The following RCL1 variants were observed in gnomAD, a reference collection of about 807,000 sequenced individuals.
The protein encoded by RCL1 is RNA 3'-terminal phosphate cyclase-like protein.
RCL1 carries 24 observed loss-of-function variants against 42.4 expected under a neutral mutation model. That is an observed-to-expected ratio of 0.57 (90% CI 0.41 to 0.80). The LOEUF (loss-of-function observed/expected upper bound fraction) is 0.80, where lower values mean the gene tolerates loss of function less well. RCL1 is among the 30% of genes least tolerant of loss of function. RCL1 has a pLI of 0.00. For missense variants in RCL1, 578 were observed against 467.9 expected (o/e 1.24, Z -2.17); for synonymous variants, 228 against 177.3 (o/e 1.29, Z -2.27).
intron 1 of RCL1, among the ~76,000 whole-genome samples, chr9:4,817,864 T>G (rs1240597150): frequency 6.6e-6 from 1 of 151,950 alleles, no homozygotes; most frequent in African/African-American, 2.4e-5. Context: ...GCTTGTAATT[T>G]TGTTTCATTT....
chr9:4,810,225 G>A (rs186011362), intron 1 of RCL1, among the ~76,000 whole-genome samples: 7 of 152,138 alleles, frequency 4.6e-5, no homozygotes, highest in East Asian at 1.9e-4. Context: ...AGAAAAGTGC[G>A]TAACCAATAA....
At chr9:4,829,807 A>G (rs975437349) in intron 3 of RCL1, among the ~76,000 whole-genome samples, 2 of 152,204 alleles carry the variant, frequency 1.3e-5, no homozygotes, top group Non-Finnish European at 1.5e-5. Context: ...CAGTGTGACA[A>G]TACTGAATGG....
chr9:4,822,156 A>T (rs1253546658), intron 1 of RCL1, among the ~76,000 whole-genome samples: 2 of 152,220 alleles, frequency 1.3e-5, no homozygotes, highest in Non-Finnish European at 2.9e-5. Context: ...TTATGACAAG[A>T]GTTATGGGAC....
intron 2 of RCL1, among the ~76,000 whole-genome samples, chr9:4,824,582 G>T (rs1816696081): frequency 6.6e-6 from 1 of 152,080 alleles, no homozygotes; most frequent in African/African-American, 2.4e-5. Flanking sequence ...TGTCTACATT[G>T]TATGGAAAAC....
At chr9:4,805,091 C>G (rs1431049086) in intron 1 of RCL1, 1 of 152,450 alleles carries the variant, frequency 6.6e-6, no homozygotes, top group Non-Finnish European at 1.5e-5. Context: ...CCCTCAGGAG[C>G]CCGAAGCAGC....
chr9:4,821,279 G>A (rs1027749842), intron 1 of RCL1, among the ~76,000 whole-genome samples: 1 of 152,098 alleles, frequency 6.6e-6, no homozygotes, highest in African/African-American at 2.4e-5. Flanking sequence ...GAGAGAGCAT[G>A]GACTTTGGAG....
intron 3 of RCL1, among the ~76,000 whole-genome samples, chr9:4,827,619 G>A (rs1816803613): frequency 6.6e-6 from 1 of 152,098 alleles, no homozygotes; most frequent in African/African-American, 2.4e-5. Flanking sequence ...TCATGCCAGA[G>A]CAAGCTTTTT....
At chr9:4,807,914 T>G (rs10117172) in intron 1 of RCL1, among the ~76,000 whole-genome samples, 208 of 152,366 alleles carry the variant, frequency 1.4e-3, no homozygotes, top group African/African-American at 4.6e-3. Flanking sequence ...TCAGAAAACA[T>G]TCTCTGTATG....
intron 8 of RCL1, among the ~76,000 whole-genome samples, chr9:4,851,342 G>T (rs1364240501): frequency 6.6e-6 from 1 of 152,184 alleles, no homozygotes; most frequent in Non-Finnish European, 1.5e-5. Context: ...TGTGCAGACG[G>T]GTCTGCCAGG....
At chr9:4,831,363 A>G (rs186773698) in intron 3 of RCL1, among the ~76,000 whole-genome samples, 118 of 152,292 alleles carry the variant, frequency 7.7e-4, no homozygotes, top group Non-Finnish European at 1.5e-3. Context: ...GCAGCATTGC[A>G]TCCCCTACTT....
intron 1 of RCL1, among the ~76,000 whole-genome samples, chr9:4,794,546 C>T (rs1355556092): frequency 6.6e-6 from 1 of 152,156 alleles, no homozygotes; most frequent in Admixed American, 6.5e-5. Flanking sequence ...AGCCAGCTCT[C>T]CATCCACTTT....
chr9:4,814,068 G>A (rs1036183862), intron 1 of RCL1, among the ~76,000 whole-genome samples: 7 of 151,990 alleles, frequency 4.6e-5, no homozygotes, highest in African/African-American at 1.4e-4. Flanking sequence ...GTTAATGGGT[G>A]CAGCACACCA....
At chr9:4,823,682 T>G in intron 2 of RCL1, 63 bp downstream of exon 2, 2 of 1,153,806 alleles carry the variant, frequency 1.7e-6, no homozygotes, top group East Asian at 2.5e-5. Flanking sequence ...TTTCTCACTC[T>G]TTTTTTTCTT....
intron 5 of RCL1, among the ~76,000 whole-genome samples, 197 bp downstream of exon 5, chr9:4,834,462 T>C (rs1001255248): frequency 6.9e-6 from 1 of 145,004 alleles, no homozygotes; most frequent in African/African-American, 2.5e-5. Flanking sequence ...CTAGATTGAT[T>C]GAGTCATTCT....
chr9:4,823,531 A>AT lies in RCL1; in HGVS notation c.137-9dup, dbSNP rs758557794. ...AGTCTGTCTTCTCTTTTCTTCACAG[A>AT]TTTTTTTTCTTCACAGATTTTGAAG... On this transcript the variant is annotated splice_polypyrimidine_tract_variant and intron_variant, in intron 1 of 8. Transcript: ENST00000381750. 19 of 1,597,414 alleles carry AT rather than the reference A, an allele frequency of 1.2e-5. No homozygotes were observed. Among genetic ancestry groups the AT allele is most frequent in the Non-Finnish European group, 1.4e-5 (16 of 1,168,854 alleles).
intron 3 of RCL1, among the ~76,000 whole-genome samples, chr9:4,832,216 G>C (rs1030363370): frequency 6.6e-6 from 1 of 152,198 alleles, no homozygotes; most frequent in Non-Finnish European, 1.5e-5. Flanking sequence ...ACAGTTACAC[G>C]TGGCAAAGTC....
chr9:4,809,305 CT>C lies in RCL1; in HGVS notation c.137-14233del, dbSNP rs1054704795. Among the ~76,000 whole-genome samples the C allele has an allele frequency of 4.0e-5, 6 of 148,890 alleles. No homozygotes were observed. In the East Asian group the frequency reaches 5.9e-4, roughly 15 times the overall value. On this transcript the variant is annotated intron_variant, in intron 1 of 8. Transcript: ENST00000381750. ...TGTGAAATTGCTTGGCTAGAGACTCCTTTTTTTTTTCTTGCTTTTTTTTTAA... is the reference window on the plus strand; with the variant it reads ...TGTGAAATTGCTTGGCTAGAGACTCCTTTTTTTTTCTTGCTTTTTTTTTAA...
chr9:4,852,653 A>T (rs543547444), intron 8 of RCL1, among the ~76,000 whole-genome samples: 1 of 152,300 alleles, frequency 6.6e-6, no homozygotes, highest in South Asian at 2.1e-4. Flanking sequence ...AGCTTAGATT[A>T]AGTCAGATGC....
intron 1 of RCL1, among the ~76,000 whole-genome samples, chr9:4,798,129 C>G (rs1842942969): frequency 6.6e-6 from 1 of 152,178 alleles, no homozygotes; most frequent in South Asian, 2.1e-4. Flanking sequence ...GTGGCCAGCT[C>G]CTGCCTGAAG....
Sources: gnomAD v4.1 joint callset for allele counts (sites outside exome capture counted in the v4.1 genomes callset) on GRCh38, gnomAD v4.1.1 for gene constraint, MANE v1.5 for transcripts, NCBI Gene and HGNC (gene_info 2026-07-23, HGNC 2026-07-21) for gene names.